Variants in FNBP1L observed in about 807,000 individuals in gnomAD.
The protein encoded by FNBP1L is formin-binding protein 1-like.
Under a neutral mutation model 91.2 loss-of-function variants are expected in FNBP1L, and 36 were observed. That is an observed-to-expected ratio of 0.39 (90% CI 0.30 to 0.52). The LOEUF (loss-of-function observed/expected upper bound fraction) is 0.52. Ranked by LOEUF, FNBP1L falls within the 20% of genes least tolerant of loss-of-function variation. The pLI, the probability that FNBP1L is intolerant of heterozygous loss-of-function variation, is 0.66. For synonymous variants in FNBP1L, 242 were observed against 237.0 expected, an observed-to-expected ratio of 1.02 and a Z score of -0.19; for missense variants, 571 against 732.1, an observed-to-expected ratio of 0.78 and a Z score of 2.54.
At chr1:93,514,497 A>T (rs1268093896) in intron 2 of FNBP1L, among the ~76,000 whole-genome samples, 1 of 152,030 alleles carries the variant, frequency 6.6e-6, no homozygotes, top group Non-Finnish European at 1.5e-5. Flanking sequence ...TGGAGGCATC[A>T]CACTACCTGA....
chr1:93,456,938 G>C (rs1362357665), intron 1 of FNBP1L, among the ~76,000 whole-genome samples: 1 of 152,090 alleles, frequency 6.6e-6, no homozygotes, highest in Non-Finnish European at 1.5e-5. Flanking sequence ...GCCCAGGCTG[G>C]AGTGCAGTGG....
In FNBP1L at chr1:93,515,078, A is replaced by G. The variant is rs1671035471; in HGVS notation, c.141-7004A>G. On this transcript the variant is annotated intron_variant, in intron 2 of 16. Transcript: ENST00000271234. ...AACTCAAACAAATTTACAAGAAAAA[A>G]ACAACCCCATCAAAAAGTGGGTGAA... Among the ~76,000 whole-genome samples, 4 of 152,362 alleles carry G rather than the reference A, an allele frequency of 2.6e-5. 1 individual carries two copies. In the South Asian group the frequency reaches 8.3e-4, roughly 32 times the overall value.
chr1:93,549,054 A>G (rs1463527868), intron 14 of FNBP1L, among the ~76,000 whole-genome samples: 1 of 152,156 alleles, frequency 6.6e-6, no homozygotes, highest in Admixed American at 6.6e-5. Flanking sequence ...TGCCTAGAAT[A>G]TTGTAATCTT....
intron 2 of FNBP1L, among the ~76,000 whole-genome samples, chr1:93,505,835 C>A (rs956919885): frequency 6.6e-6 from 1 of 152,152 alleles, no homozygotes; most frequent in Non-Finnish European, 1.5e-5. Context: ...CCTGCCACCA[C>A]GCCCAGCTAA....
At chr1:93,477,551 C>T (rs1669541000) in intron 1 of FNBP1L, among the ~76,000 whole-genome samples, 1 of 152,206 alleles carries the variant, frequency 6.6e-6, no homozygotes, top group African/African-American at 2.4e-5. Flanking sequence ...TAAAGCTCTT[C>T]TATTTCTCAT....
rs144965944 is a variant in FNBP1L, at chr1:93,484,218, C to A, written c.25-15250C>A. Among the ~76,000 whole-genome samples, 227 of 152,226 alleles carry A rather than the reference C, an allele frequency of 1.5e-3. 4 individuals are homozygous for A. The East Asian group carries it at 0.037, about 25-fold the overall frequency. On this transcript the variant is annotated intron_variant, in intron 1 of 16. Coordinates refer to ENST00000271234, the MANE Select transcript of FNBP1L (RefSeq NM_001164473.3). ...CTGGGATTACAGGCGTGAGCCACCACGCCTGGCTGGGCAAATAGTTTCATC... is the reference window on the plus strand; with the variant it reads ...CTGGGATTACAGGCGTGAGCCACCAAGCCTGGCTGGGCAAATAGTTTCATC...
At chr1:93,508,642 TC>T (rs1670713641) in intron 2 of FNBP1L, among the ~76,000 whole-genome samples, 1 of 152,148 alleles carries the variant, frequency 6.6e-6, no homozygotes. Context: ...TTCTTCCTCT[TC>T]CCCTTACCTC....
intron 1 of FNBP1L, among the ~76,000 whole-genome samples, chr1:93,473,205 A>C (rs1332914919): frequency 6.6e-6 from 1 of 151,106 alleles, no homozygotes; most frequent in Non-Finnish European, 1.5e-5. Context: ...AAAGTAATTA[A>C]CAAGTGATTT....
chr1:93,502,669 T>C (rs1020390966), intron 2 of FNBP1L, among the ~76,000 whole-genome samples: 1 of 152,232 alleles, frequency 6.6e-6, no homozygotes, highest in African/African-American at 2.4e-5. Context: ...AATTTTGTAT[T>C]GAGAAAGTGG....
chr1:93,493,656 T>G (rs1670170558), intron 1 of FNBP1L, among the ~76,000 whole-genome samples: 1 of 152,180 alleles, frequency 6.6e-6, no homozygotes, highest in South Asian at 2.1e-4. Flanking sequence ...TAGCATGATG[T>G]CTTAGATATT....
In FNBP1L at chr1:93,499,587, A is replaced by C; in HGVS notation, c.140+4A>C. On this transcript the variant is annotated splice_donor_region_variant and intron_variant, in intron 2 of 16. Coordinates refer to ENST00000271234, the MANE Select transcript of FNBP1L (RefSeq NM_001164473.3). Reference sequence around the variant, plus strand: ...AGAACTATGCGAAACAATTGAGGTAAGTTAATTTTTTTTTCAGTTTTTAGA... The same window carrying C: ...AGAACTATGCGAAACAATTGAGGTACGTTAATTTTTTTTTCAGTTTTTAGA... 1.3e-6 allele frequency: 2 copies of C among 1,527,650 alleles called. No homozygotes were observed. Among genetic ancestry groups the C allele is most frequent in the Non-Finnish European group, 1.8e-6 (2 of 1,130,362 alleles). The allele number at this position is 1,527,650 out of a possible 1,614,324, so 94.6% of individuals were successfully genotyped here.
At chr1:93,456,602 CA>C (rs60167572) in intron 1 of FNBP1L, among the ~76,000 whole-genome samples, 283 of 53,370 alleles carry the variant, frequency 5.3e-3, no homozygotes, top group Middle Eastern at 0.024. Context: ...CCTTCTCTAC[CA>C]AAAAAAAAAA....
At chr1:93,453,047 C>T (rs905943549) in intron 1 of FNBP1L, among the ~76,000 whole-genome samples, 10 of 152,298 alleles carry the variant, frequency 6.6e-5, no homozygotes, top group African/African-American at 1.7e-4. Context: ...TTGACCAATT[C>T]CTATCAACCC....
chr1:93,520,415 ATC>A (rs1671283260), intron 2 of FNBP1L, among the ~76,000 whole-genome samples: 1 of 152,180 alleles, frequency 6.6e-6, no homozygotes, highest in Non-Finnish European at 1.5e-5. Context: ...TTAGTTTCCA[ATC>A]CATTGTGTAC....
In FNBP1L at chr1:93,553,936, G is replaced by A. The variant is rs1672496063; in HGVS notation, c.*1520G>A. 1.3e-5 allele frequency: 2 copies of A among 152,572 alleles called. No homozygotes were observed. The highest frequency in any genetic ancestry group is 2.9e-5 in the Non-Finnish European group (2 of 68,036). The allele number at this position is 152,572 out of a possible 1,614,324, so 9.5% of individuals were successfully genotyped here. On this transcript the variant is annotated 3_prime_UTR_variant, in exon 17 of 17. Coordinates refer to ENST00000271234, the MANE Select transcript of FNBP1L (RefSeq NM_001164473.3). ...TGGTTTGTGTATTATTGAATTTTAA[G>A]CAATATTTTAGAAGCTGTGTGACTG...
chr1:93,477,741 A>C (rs1669547272), intron 1 of FNBP1L, among the ~76,000 whole-genome samples: 1 of 152,270 alleles, frequency 6.6e-6, no homozygotes, highest in African/African-American at 2.4e-5. Flanking sequence ...CAGAATAAAT[A>C]CTTGAGTCTA....
chr1:93,492,677 G>A lies in FNBP1L; in HGVS notation c.25-6791G>A, dbSNP rs79643528. ...AGACGGAGCAACAAAGCAAGACCCC[G>A]TCTTTACAAAATATTTTTAAAAATT... On this transcript the variant is annotated intron_variant, in intron 1 of 16. Transcript: ENST00000271234. Among the ~76,000 whole-genome samples, 1,516 of 152,186 alleles carry A rather than the reference G, an allele frequency of 1.0e-2. 16 individuals are homozygous for A. The highest frequency in any genetic ancestry group is 0.02 in the South Asian group (97 of 4,820).
At chr1:93,450,888 A>G (rs1668471362) in intron 1 of FNBP1L, among the ~76,000 whole-genome samples, 1 of 152,208 alleles carries the variant, frequency 6.6e-6, no homozygotes, top group African/African-American at 2.4e-5. Flanking sequence ...AAAAAAAGGA[A>G]TTCAATAGAA....
chr1:93,516,165 G>A (rs1190887639), intron 2 of FNBP1L, among the ~76,000 whole-genome samples: 1 of 151,836 alleles, frequency 6.6e-6, no homozygotes, highest in African/African-American at 2.4e-5. Context: ...GAGCATTGTG[G>A]GATTAAAGGA....
Sources: gnomAD v4.1 joint callset for allele counts (sites outside exome capture counted in the v4.1 genomes callset) on GRCh38, gnomAD v4.1.1 for gene constraint, MANE v1.5 for transcripts, NCBI Gene and HGNC (gene_info 2026-07-23, HGNC 2026-07-21) for gene names.